Variants in TBL1X observed in about 807,000 individuals in gnomAD.
TBL1X encodes F-box-like/WD repeat-containing protein TBL1X.
A neutral mutation model predicts 50.7 loss-of-function variants in TBL1X; 10 were observed. The ratio of observed to expected loss-of-function variants is 0.20; its 90% CI spans 0.12 to 0.33. TBL1X has a LOEUF of 0.33. Ranked by LOEUF, TBL1X falls within the 10% of genes least tolerant of loss-of-function variation. The pLI is 1.00. For synonymous variants in TBL1X, 190 were observed against 214.7 expected (o/e 0.88, Z 1.01); for missense variants, 340 against 504.4 (o/e 0.67, Z 3.12).
At chrX:9,671,670 G>A (rs767967256) in intron 5 of TBL1X, among the ~76,000 whole-genome samples, 2 of 112,728 alleles carry the variant, frequency 1.8e-5, no homozygotes, top group South Asian at 7.3e-4. Context: ...ATGAACAATT[G>A]ATCCTCCTCC....
chrX:9,529,430 T>C (rs985301481), intron 2 of TBL1X, among the ~76,000 whole-genome samples: 1 of 111,683 alleles, frequency 9.0e-6, no homozygotes, highest in African/African-American at 3.3e-5. Context: ...GAATGCTGAA[T>C]TTCAGACGTG....
At chrX:9,709,113 C>G (rs1167703755) in intron 13 of TBL1X, 135 bp from the exon 14 acceptor site, 4 of 549,100 alleles carry the variant, frequency 7.3e-6, no homozygotes, top group African/African-American at 2.4e-5. Context: ...GCTGGTTGGG[C>G]TGTGCCCTTT....
Position 9,621,739 on chromosome X carries a change from C to G in TBL1X, c.-130-18534C>G, listed in dbSNP as rs751565842. Reference sequence around the variant, plus strand: ...CCTTGATTTAACAAGAACACCCAGCCCATTTCCCAACGACACAAATTAATA... The same window carrying G: ...CCTTGATTTAACAAGAACACCCAGCGCATTTCCCAACGACACAAATTAATA... On this transcript the variant is annotated intron_variant, in intron 2 of 17. Coordinates refer to ENST00000645353, the MANE Select transcript of TBL1X (RefSeq NM_005647.4). 1.6e-4 allele frequency among the ~76,000 whole-genome samples: 18 copies of G among 112,040 alleles called. No individual in the cohort carries two copies. In the South Asian group the frequency reaches 6.0e-3, roughly 37 times the overall value.
chrX:9,467,525 T>C (rs16985552), intron 1 of TBL1X, among the ~76,000 whole-genome samples: 1,815 of 112,326 alleles, frequency 0.016, 38 homozygotes, highest in African/African-American at 0.056. Context: ...AAACCTAATA[T>C]GCTACATCCG....
At chrX:9,594,919 C>T (rs55976424) in intron 2 of TBL1X, among the ~76,000 whole-genome samples, 2,202 of 111,943 alleles carry the variant, frequency 0.02, 30 homozygotes, top group Non-Finnish European at 0.032. Flanking sequence ...CCCATTCCTC[C>T]GGATACCCCT....
intron 2 of TBL1X, among the ~76,000 whole-genome samples, chrX:9,574,486 T>C (rs1601768252): frequency 1.1e-5 from 1 of 88,321 alleles, no homozygotes; most frequent in Admixed American, 1.3e-4. Context: ...AAAAAAAAAG[T>C]ACTTGTTGCC....
chrX:9,684,797 C>T (rs1270684771), intron 6 of TBL1X, among the ~76,000 whole-genome samples: 2 of 111,735 alleles, frequency 1.8e-5, no homozygotes, highest in Non-Finnish European at 3.8e-5. Flanking sequence ...AAAGATACGG[C>T]AGATCTTCAG....
At chrX:9,688,615 G>C (rs1232191454) in intron 7 of TBL1X, among the ~76,000 whole-genome samples, 1 of 112,670 alleles carries the variant, frequency 8.9e-6, no homozygotes, top group Non-Finnish European at 1.9e-5. Context: ...CCATGTTGAG[G>C]GTTTTTGGCC....
At chrX:9,683,254 A>G (rs910149492) in intron 5 of TBL1X, among the ~76,000 whole-genome samples, 3 of 111,503 alleles carry the variant, frequency 2.7e-5, no homozygotes, top group African/African-American at 9.8e-5. Context: ...CATCCACAAG[A>G]GCAAGGCATG....
intron 2 of TBL1X, among the ~76,000 whole-genome samples, chrX:9,593,707 A>T (rs34049694): frequency 9.2e-6 from 1 of 108,391 alleles, no homozygotes; most frequent in Admixed American, 9.8e-5. Flanking sequence ...TTCCTTTCCA[A>T]CCCCACACCC....
At chrX:9,711,514 C>A in intron 15 of TBL1X, 97 bp from the exon 16 acceptor site, 2 of 854,809 alleles carry the variant, frequency 2.3e-6, no homozygotes, top group South Asian at 4.6e-5. Context: ...AACGTAAAAG[C>A]TGGGAAAAAC....
intron 2 of TBL1X, among the ~76,000 whole-genome samples, chrX:9,597,897 A>C (rs2082534533): frequency 8.9e-6 from 1 of 111,749 alleles, no homozygotes. Context: ...AATGATGGCC[A>C]CGGATTGGGC....
At chrX:9,463,855 C>G (rs964889678), upstream of TBL1X, among the ~76,000 whole-genome samples, 3 of 112,071 alleles carry the variant, frequency 2.7e-5, no homozygotes, top group Non-Finnish European at 5.6e-5. Flanking sequence ...CAGCGCGCCA[C>G]TGCACTCCAG....
intron 2 of TBL1X, among the ~76,000 whole-genome samples, chrX:9,510,520 G>A (rs753786392): frequency 0.012 from 1,017 of 87,066 alleles, 13 homozygotes; most frequent in African/African-American, 0.039. Flanking sequence ...TGGCCCACGG[G>A]GCCGTGTCCA....
At position 9,622,397 on chromosome X, in the gene TBL1X, C is replaced by T. The variant is rs918984741; in HGVS notation, c.-130-17876C>T. Among the ~76,000 whole-genome samples, 10 of 111,261 alleles carry T rather than the reference C, an allele frequency of 9.0e-5. No homozygotes were observed. The East Asian group carries it at 2.2e-3, about 25-fold the overall frequency. ...TCATACATTAATTGTCCTTTCATAT[C>T]GGGCATATTTCACTTAGTGTAGCGT... On this transcript the variant is annotated intron_variant, in intron 2 of 17. Transcript: ENST00000645353.
chrX:9,595,128 G>A (rs1374482232), intron 2 of TBL1X, among the ~76,000 whole-genome samples: 1 of 112,054 alleles, frequency 8.9e-6, no homozygotes, highest in Admixed American at 9.4e-5. Flanking sequence ...AGTGGGGTGT[G>A]GACCCCGGCT....
Position 9,635,996 on chromosome X carries a change from G to T in TBL1X, c.-130-4277G>T, listed in dbSNP as rs148695327. 6.4e-3 allele frequency among the ~76,000 whole-genome samples: 722 copies of T among 112,041 alleles called. 3 individuals carry two copies. Among genetic ancestry groups the T allele is most frequent in the Middle Eastern group, 0.027 (6 of 219 alleles). ...CAGCCATAAAAGGAGTGAAGCCCTG[G>T]AACGTGCTACAACATGGATGCTCTG... is the stretch of plus-strand genomic sequence containing the variant. On this transcript the variant is annotated intron_variant, in intron 2 of 17. Coordinates refer to ENST00000645353, the MANE Select transcript of TBL1X (RefSeq NM_005647.4).
intron 2 of TBL1X, among the ~76,000 whole-genome samples, chrX:9,537,491 C>T (rs12390343): frequency 0.038 from 4,282 of 111,651 alleles, 197 homozygotes; most frequent in African/African-American, 0.13. Context: ...CTATTCTTCC[C>T]TCCCCACAGC....
intron 2 of TBL1X, among the ~76,000 whole-genome samples, chrX:9,568,159 A>AC (rs1303684348): frequency 9.4e-6 from 1 of 106,904 alleles, no homozygotes; most frequent in African/African-American, 3.5e-5. Context: ...AGTCTTGAGA[A>AC]CCCCCAAAGA....
Sources: gnomAD v4.1 joint callset for allele counts (sites outside exome capture counted in the v4.1 genomes callset) on GRCh38, gnomAD v4.1.1 for gene constraint, MANE v1.5 for transcripts, NCBI Gene and HGNC (gene_info 2026-07-23, HGNC 2026-07-21) for gene names.